TP63: variants seen among roughly 807,000 people sequenced by gnomAD.
TP63 encodes tumor protein 63.
TP63 carries 17 observed loss-of-function variants against 82.8 expected under a neutral mutation model. The observed-to-expected ratio is 0.21, with a 90% CI of 0.14 to 0.31. TP63 has a LOEUF of 0.31. Among genes scored for constraint, TP63 ranks in the 10% least tolerant of loss-of-function variants. The pLI is 1.00. For synonymous variants in TP63, 330 were observed against 321.7 expected (o/e 1.03, Z -0.28); for missense variants, 648 against 895.3 (o/e 0.72, Z 3.52).
At chr3:189,775,283 A>C (rs1284767115) in intron 3 of TP63, among the ~76,000 whole-genome samples, 1 of 152,060 alleles carries the variant, frequency 6.6e-6, no homozygotes, top group Non-Finnish European at 1.5e-5. Flanking sequence ...AACTACATAT[A>C]AAGAAGTCAT....
chr3:189,753,509 T>G (rs1721970959), intron 3 of TP63, among the ~76,000 whole-genome samples: 1 of 152,012 alleles, frequency 6.6e-6, no homozygotes, highest in African/African-American at 2.4e-5. Flanking sequence ...GCAAATTTTT[T>G]CTCCTTTTAC....
chr3:189,730,833 T>G (rs1159589919), intron 1 of TP63, among the ~76,000 whole-genome samples: 1 of 152,198 alleles, frequency 6.6e-6, no homozygotes, highest in Non-Finnish European at 1.5e-5. Flanking sequence ...ATCAATGAGC[T>G]TCTGGTCTGC....
chr3:189,616,573 CAGTGGGTAAT>C, the TP63 span, among the ~76,000 whole-genome samples: 6 of 152,306 alleles, frequency 3.9e-5, no homozygotes, highest in African/African-American at 1.4e-4. Context: ...CATATAACTG[CAGTGGGTAAT>C]AGGGATATTC....
chr3:189,669,797 A>G (rs1714735283), intron 1 of TP63, among the ~76,000 whole-genome samples: 1 of 152,074 alleles, frequency 6.6e-6, no homozygotes, highest in Admixed American at 6.6e-5. Flanking sequence ...AAGCAAGCCA[A>G]TAGAGAAATA....
intron 1 of TP63, among the ~76,000 whole-genome samples, chr3:189,705,746 A>C (rs1040057806): frequency 6.6e-6 from 1 of 152,194 alleles, no homozygotes; most frequent in South Asian, 2.1e-4. Flanking sequence ...AGGGGGGTAC[A>C]CTGAATTCTC....
At chr3:189,873,126 G>C in intron 10 of TP63, 131 bp downstream of exon 10, 3 of 1,421,764 alleles carry the variant, frequency 2.1e-6, no homozygotes, top group Non-Finnish European at 2.0e-6. Flanking sequence ...CAGATGACCT[G>C]GTATGGCAAC....
intron 3 of TP63, among the ~76,000 whole-genome samples, chr3:189,750,173 A>G (rs956403406): frequency 6.6e-6 from 1 of 151,828 alleles, no homozygotes; most frequent in Non-Finnish European, 1.5e-5. Context: ...TTGCAGCTAC[A>G]TGGATGGAAC....
chr3:189,858,699 A>G (rs1170941639), intron 4 of TP63, among the ~76,000 whole-genome samples: 2 of 152,166 alleles, frequency 1.3e-5, no homozygotes, highest in Non-Finnish European at 2.9e-5. Flanking sequence ...GAATTGCTTG[A>G]GTCTGGGAGG....
Position 189,648,792 on chromosome 3 carries a change from T to TCGCG in TP63, c.62+17217_62+17218insCGCG, listed in dbSNP as rs1164302770. Among the ~76,000 whole-genome samples the TCGCG allele has an allele frequency of 2.0e-5, 3 of 146,952 alleles. 1 individual carries two copies. The highest frequency in any genetic ancestry group is 2.0e-4 in the Admixed American group (3 of 14,948). On this transcript the variant is annotated intron_variant, in intron 1 of 13. Transcript: ENST00000264731. ...TCTTGTTTGCTCAAATCCCTCATAG[T>TCGCG]CGTTTAGGACTTTGTCATGTAAAAC...
intron 1 of TP63, among the ~76,000 whole-genome samples, chr3:189,723,845 T>C (rs370296582): frequency 3.9e-4 from 60 of 152,210 alleles, no homozygotes; most frequent in African/African-American, 1.4e-3. Context: ...CTTTTTGTAT[T>C]GGAAGATAGA....
chr3:189,804,531 G>T (rs938653374), intron 3 of TP63, among the ~76,000 whole-genome samples: 3 of 152,184 alleles, frequency 2.0e-5, no homozygotes, highest in Non-Finnish European at 2.9e-5. Context: ...GGTGACACTT[G>T]TTCTTCTTGA....
rs187554511 is a variant in TP63 at position 189,852,690 on chromosome 3, C to T, written c.580-11542C>T. Among the ~76,000 whole-genome samples the T allele has an allele frequency of 4.6e-3, 695 of 152,272 alleles. 5 individuals carry two copies. The highest frequency in any genetic ancestry group is 0.015 in the Admixed American group (230 of 15,294). On this transcript the variant is annotated intron_variant, in intron 4 of 13. Transcript: ENST00000264731. ...CCCACCACCTTTGTATTTCTGAATA[C>T]AAAGAACTGATTAGGTCTTTCCCCT... is the stretch of plus-strand genomic sequence containing the variant.
At chr3:189,875,593 CAT>C (rs774764336) in intron 10 of TP63, among the ~76,000 whole-genome samples, 670 of 40,566 alleles carry the variant, frequency 0.017, 4 homozygotes, top group East Asian at 0.033. Flanking sequence ...AAAATACATA[CAT>C]ATATATATAT....
At chr3:189,623,813 A>ACACACTAAAG in the TP63 span, among the ~76,000 whole-genome samples, 2 of 151,816 alleles carry the variant, frequency 1.3e-5, no homozygotes, top group African/African-American at 4.8e-5. Context: ...CAGAGACCAG[A>ACACACTAAAG]CACACTAAAG....
chr3:189,884,953 G>C (rs1720286051), intron 10 of TP63, among the ~76,000 whole-genome samples: 1 of 152,156 alleles, frequency 6.6e-6, no homozygotes, highest in East Asian at 1.9e-4. Context: ...CTAAGTGCTA[G>C]GGCCATTTTT....
intron 5 of TP63, among the ~76,000 whole-genome samples, chr3:189,864,820 C>T (rs1717496837): frequency 2.0e-5 from 3 of 151,948 alleles, no homozygotes; most frequent in Admixed American, 6.6e-5. Flanking sequence ...TCCTGGCTAA[C>T]ACAGTGAAAC....
chr3:189,761,771 A>T (rs1288791717), intron 3 of TP63, among the ~76,000 whole-genome samples: 2 of 152,230 alleles, frequency 1.3e-5, no homozygotes, highest in Non-Finnish European at 2.9e-5. Flanking sequence ...GGGCAATTTA[A>T]AAAAGAAAGA....
intron 4 of TP63, among the ~76,000 whole-genome samples, chr3:189,840,375 T>C (rs977301930): frequency 2.7e-5 from 4 of 147,392 alleles, no homozygotes; most frequent in Non-Finnish European, 4.5e-5. Context: ...TTTTTTTTTT[T>C]TTTTTTTTTT....
intron 9 of TP63, among the ~76,000 whole-genome samples, chr3:189,870,565 C>A (rs1368603904): frequency 6.6e-6 from 1 of 152,150 alleles, no homozygotes; most frequent in Non-Finnish European, 1.5e-5. Flanking sequence ...AATCAATGCT[C>A]TGCTGATATC....
Sources: allele counts gnomAD v4.1 joint callset (sites outside exome capture counted in the v4.1 genomes callset), GRCh38; gene constraint gnomAD v4.1.1; transcripts MANE v1.5; gene names NCBI Gene and HGNC (gene_info 2026-07-23, HGNC 2026-07-21).